The following MAML2 variants were observed in gnomAD, a reference collection of about 807,000 sequenced individuals.
MAML2 encodes mastermind like transcriptional coactivator 2.
Under a neutral mutation model 96.1 loss-of-function variants are expected in MAML2, and 22 were observed. That is an observed-to-expected ratio of 0.23 (90% CI 0.16 to 0.33). The LOEUF (loss-of-function observed/expected upper bound fraction) is 0.33, where lower values mean the gene tolerates loss of function less well. Among genes scored for constraint, MAML2 ranks in the 10% least tolerant of loss-of-function variants. The pLI is 1.00. For synonymous variants in MAML2, 561 were observed against 521.3 expected, an observed-to-expected ratio of 1.08 and a Z score of -1.04; for missense variants, 1,367 against 1,392.4, an observed-to-expected ratio of 0.98 and a Z score of 0.29.
intron 2 of MAML2, among the ~76,000 whole-genome samples, chr11:96,087,384 A>G (rs1196220737): frequency 2.0e-5 from 3 of 152,224 alleles, no homozygotes; most frequent in Admixed American, 1.3e-4. Flanking sequence ...ATAAATGGTG[A>G]AATATCAAAA....
At chr11:95,985,736 A>G in intron 3 of MAML2, 94 bp from the exon 4 acceptor site, 1 of 782,336 alleles carries the variant, frequency 1.3e-6, no homozygotes, top group Non-Finnish European at 2.1e-6. Context: ...AGAAAATATA[A>G]GAACAATTTT....
rs771692918 is a variant in MAML2 at position 95,976,962 on chromosome 11, C to G, written c.*1986G>C. 1.5e-5 allele frequency: 3 copies of G among 198,732 alleles called. No homozygotes were observed. Among genetic ancestry groups the G allele is most frequent in the Non-Finnish European group, 3.1e-5 (3 of 96,216 alleles). The allele number at this position is 198,732 out of a possible 1,614,324, so 12.3% of individuals were successfully genotyped here. ...CACAGCAGAAGAATCAAATAAGACACAAGAACTATGGGTTTAAAAAAGAAT... is the reference window on the plus strand; with the variant it reads ...CACAGCAGAAGAATCAAATAAGACAGAAGAACTATGGGTTTAAAAAAGAAT... On this transcript the variant is annotated 3_prime_UTR_variant, in exon 5 of 5. Coordinates refer to ENST00000524717, the MANE Select transcript of MAML2 (RefSeq NM_032427.4).
At chr11:96,266,070 G>A (rs1323091887) in intron 1 of MAML2, among the ~76,000 whole-genome samples, 1 of 152,144 alleles carries the variant, frequency 6.6e-6, no homozygotes, top group African/African-American at 2.4e-5. Flanking sequence ...TTCAAAAGCT[G>A]TAAACATTCA....
intron 1 of MAML2, among the ~76,000 whole-genome samples, chr11:96,259,277 A>C (rs774754205): frequency 5.9e-5 from 9 of 152,126 alleles, no homozygotes; most frequent in Admixed American, 3.9e-4. Flanking sequence ...TCTTCTGAAA[A>C]GCATGTGTTG....
intron 2 of MAML2, among the ~76,000 whole-genome samples, chr11:95,998,513 G>A (rs183163001): frequency 6.6e-6 from 1 of 152,260 alleles, no homozygotes; most frequent in East Asian, 1.9e-4. Context: ...TTTGGACACA[G>A]TTCTTGTTTG....
At chr11:96,124,184 A>G (rs1411855487) in intron 1 of MAML2, among the ~76,000 whole-genome samples, 1 of 150,802 alleles carries the variant, frequency 6.6e-6, no homozygotes, top group Non-Finnish European at 1.5e-5. Context: ...ACTGATTCCT[A>G]CACTATTTCC....
intron 1 of MAML2, among the ~76,000 whole-genome samples, chr11:96,251,891 A>C (rs535694293): frequency 4.2e-4 from 63 of 151,488 alleles, no homozygotes; most frequent in African/African-American, 1.5e-3. Flanking sequence ...GCCACCACGC[A>C]CAGCTAATTT....
At chr11:96,186,241 T>A (rs1454235607) in intron 1 of MAML2, among the ~76,000 whole-genome samples, 1 of 152,176 alleles carries the variant, frequency 6.6e-6, no homozygotes, top group Non-Finnish European at 1.5e-5. Flanking sequence ...CACAGGAGAA[T>A]CAAAGTACTT....
intron 1 of MAML2, among the ~76,000 whole-genome samples, chr11:96,134,326 T>C (rs755475442): frequency 1.5e-4 from 23 of 152,252 alleles, no homozygotes; most frequent in Non-Finnish European, 2.8e-4. Context: ...GCACCACACC[T>C]GCTTTATTCC....
Position 96,007,479 on chromosome 11 carries a change from G to A in MAML2, c.2140-15756C>T, listed in dbSNP as rs118079635. Among the ~76,000 whole-genome samples, 693 of 152,150 alleles carry A rather than the reference G, an allele frequency of 4.6e-3. 11 individuals are homozygous for A. The East Asian group carries it at 0.053, about 12-fold the overall frequency. ...GTAACTGGTATCACTTGGATCCTGCGAGACAAAATATGACTATATCTTGCA... is the reference window on the plus strand; with the variant it reads ...GTAACTGGTATCACTTGGATCCTGCAAGACAAAATATGACTATATCTTGCA... On this transcript the variant is annotated intron_variant, in intron 2 of 4. Transcript: ENST00000524717.
intron 1 of MAML2, among the ~76,000 whole-genome samples, chr11:96,297,937 C>A (rs1340487527): frequency 6.6e-6 from 1 of 152,070 alleles, no homozygotes; most frequent in Non-Finnish European, 1.5e-5. Flanking sequence ...TTCAAATTTA[C>A]CAGGCCACCT....
intron 1 of MAML2, among the ~76,000 whole-genome samples, chr11:96,334,568 G>GT (rs1863892943): frequency 6.6e-6 from 1 of 152,140 alleles, no homozygotes; most frequent in South Asian, 2.1e-4. Flanking sequence ...CAAGCCAACT[G>GT]TAACAGTTCT....
chr11:96,101,987 C>G (rs998066377), intron 1 of MAML2, among the ~76,000 whole-genome samples: 7 of 152,138 alleles, frequency 4.6e-5, no homozygotes, highest in Non-Finnish European at 1.0e-4. Context: ...TCTTAAAATA[C>G]TGTTTTCAGC....
chr11:96,208,575 C>A (rs1296946172), intron 1 of MAML2, among the ~76,000 whole-genome samples: 1 of 152,148 alleles, frequency 6.6e-6, no homozygotes, highest in Admixed American at 6.5e-5. Flanking sequence ...GCAGGGCTAA[C>A]CCTGGATGAT....
At chr11:96,128,693 G>A (rs941838242) in intron 1 of MAML2, among the ~76,000 whole-genome samples, 2 of 152,104 alleles carry the variant, frequency 1.3e-5, no homozygotes, top group Non-Finnish European at 2.9e-5. Flanking sequence ...TCATAAACAC[G>A]TAAATAACTC....
chr11:96,250,286 G>A (rs201324186), intron 1 of MAML2, among the ~76,000 whole-genome samples: 100 of 149,796 alleles, frequency 6.7e-4, no homozygotes, highest in African/African-American at 2.0e-3. Context: ...TTTTTAAATT[G>A]AAAAAAATGT....
chr11:96,065,137 G>A (rs774681874), intron 2 of MAML2, among the ~76,000 whole-genome samples: 3 of 152,140 alleles, frequency 2.0e-5, no homozygotes, highest in Non-Finnish European at 4.4e-5. Context: ...TTTGGGAAAT[G>A]TTCTGAATAT....
intron 1 of MAML2, among the ~76,000 whole-genome samples, chr11:96,339,092 A>G (rs1214551952): frequency 6.6e-6 from 1 of 152,216 alleles, no homozygotes; most frequent in Non-Finnish European, 1.5e-5. Flanking sequence ...GTGAAAAGCA[A>G]CTACTAGAAA....
At chr11:96,098,855 A>G (rs1859876639) in intron 1 of MAML2, among the ~76,000 whole-genome samples, 1 of 152,236 alleles carries the variant, frequency 6.6e-6, no homozygotes, top group African/African-American at 2.4e-5. Context: ...CTTCTTTTTA[A>G]GTAGCTATGC....
Sources: gnomAD v4.1 joint callset for allele counts (sites outside exome capture counted in the v4.1 genomes callset) on GRCh38, gnomAD v4.1.1 for gene constraint, MANE v1.5 for transcripts, NCBI Gene and HGNC (gene_info 2026-07-23, HGNC 2026-07-21) for gene names.